Variants in MKLN1 observed in about 807,000 individuals in gnomAD.
MKLN1 encodes the protein muskelin 1.
A neutral mutation model predicts 99.0 loss-of-function variants in MKLN1; 18 were observed. The observed-to-expected ratio is 0.18, with a 90% CI of 0.13 to 0.27. The LOEUF is 0.27. Ranked by LOEUF, MKLN1 falls within the 10% of genes least tolerant of loss-of-function variation. MKLN1 has a pLI of 1.00. For synonymous variants in MKLN1, 288 were observed against 293.2 expected (o/e 0.98, Z 0.18); for missense variants, 621 against 875.9 (o/e 0.71, Z 3.67).
At chr7:131,190,135 A>G (rs1390536547) in intron 2 of MKLN1, among the ~76,000 whole-genome samples, 1 of 152,114 alleles carries the variant, frequency 6.6e-6, no homozygotes, top group Non-Finnish European at 1.5e-5. Context: ...AGGATTTCTT[A>G]AAAAACGAAA....
intron 8 of MKLN1, among the ~76,000 whole-genome samples, chr7:131,415,401 G>C (rs958398268): frequency 5.9e-5 from 9 of 151,930 alleles, no homozygotes; most frequent in Middle Eastern, 3.4e-3. Context: ...ATAGTGCTTC[G>C]GGAATAAAAT....
chr7:131,453,400 T>C (rs1439384504), intron 12 of MKLN1, among the ~76,000 whole-genome samples: 1 of 152,112 alleles, frequency 6.6e-6, no homozygotes, highest in Non-Finnish European at 1.5e-5. Context: ...AGTTGGCATT[T>C]CCAGTCAGAG....
chr7:131,409,500 T>G (rs1794807766), intron 6 of MKLN1, among the ~76,000 whole-genome samples: 1 of 152,126 alleles, frequency 6.6e-6, no homozygotes, highest in African/African-American at 2.4e-5. Flanking sequence ...AGAAAGGAAA[T>G]TTGGTGAGCG....
chr7:131,327,875 T>C (rs752672947), upstream of MKLN1: 30 of 1,607,544 alleles, frequency 1.9e-5, no homozygotes, highest in South Asian at 2.5e-4. Flanking sequence ...CAGCGGTCGG[T>C]GGCGGCCGCT....
rs559488674 is a variant in MKLN1 at position 131,495,213 on chromosome 7, T to G, written c.*7485T>G. 6.6e-6 allele frequency: 1 copy of G among 152,204 alleles called. No individual in the cohort carries two copies. The highest frequency in any genetic ancestry group is 6.5e-5 in the Admixed American group (1 of 15,274). 9.4% of individuals were successfully genotyped at this position (152,204 alleles called of 1,614,324 possible). On this transcript the variant is annotated 3_prime_UTR_variant, in exon 18 of 18. Coordinates refer to ENST00000352689, the MANE Select transcript of MKLN1 (RefSeq NM_013255.5). ...AAATTAAGATCCCCTCTGATAGAGA[T>G]AGATTCTCAAAACCAAAATTGGACT...
chr7:131,168,457 T>C (rs1796167516), intron 2 of MKLN1, among the ~76,000 whole-genome samples: 1 of 152,198 alleles, frequency 6.6e-6, no homozygotes, highest in Admixed American at 6.5e-5. Context: ...TATGCATGGA[T>C]TGAGGCTAAG....
At chr7:131,231,347 C>T (rs928542280) in intron 3 of MKLN1, among the ~76,000 whole-genome samples, 8 of 152,186 alleles carry the variant, frequency 5.3e-5, no homozygotes, top group African/African-American at 1.7e-4. Context: ...CCCCAATTCT[C>T]GTTTCTTCCC....
chr7:131,394,474 A>C (rs754780559), intron 4 of MKLN1, among the ~76,000 whole-genome samples: 1 of 152,004 alleles, frequency 6.6e-6, no homozygotes, highest in Non-Finnish European at 1.5e-5. Context: ...TTTGCAGTTC[A>C]TGATAGAGTT....
intron 3 of MKLN1, among the ~76,000 whole-genome samples, chr7:131,307,649 G>A (rs1290277019): frequency 6.6e-6 from 1 of 152,206 alleles, no homozygotes; most frequent in African/African-American, 2.4e-5. Context: ...TTTCAGACTG[G>A]CAGTGGGGCC....
Position 131,163,632 on chromosome 7 carries a change from G to A in MKLN1, c.-297+20691G>A, listed in dbSNP as rs546076827. Among the ~76,000 whole-genome samples the A allele has an allele frequency of 7.9e-5, 12 of 152,248 alleles. No individual in the cohort carries two copies. In the South Asian group the frequency reaches 2.3e-3, roughly 29 times the overall value. ...CTCTTCTAAGTTTCAGTGGAGAGGA[G>A]AGACAAAACTGTCAAGGAGAGAAAC... On this transcript the variant is annotated intron_variant, in intron 2 of 7. Coordinates refer to the MKLN1 transcript ENST00000416992.
chr7:131,388,768 G>A, intron 3 of MKLN1, 116 bp from the exon 4 acceptor site: 1 of 635,292 alleles, frequency 1.6e-6, no homozygotes, highest in African/African-American at 1.8e-5. Flanking sequence ...TATTGTCTTG[G>A]TCATAATATT....
At position 131,129,253 on chromosome 7, in the gene MKLN1, C is replaced by T. The variant is rs62472608; in HGVS notation, c.-418-13567C>T. On this transcript the variant is annotated intron_variant, in intron 1 of 7. Coordinates refer to the MKLN1 transcript ENST00000416992. ...GTCAGGGAAATAAGCACTCTCATAC[C>T]ACATTGGGAATATAAATTGGTATAA... Among the ~76,000 whole-genome samples, 292 of 152,156 alleles carry T rather than the reference C, an allele frequency of 1.9e-3. 2 individuals are homozygous for T. Among genetic ancestry groups the T allele is most frequent in the Non-Finnish European group, 3.2e-3 (217 of 67,992 alleles).
chr7:131,446,455 A>G (rs1030074201), intron 12 of MKLN1, among the ~76,000 whole-genome samples: 2 of 152,238 alleles, frequency 1.3e-5, no homozygotes, highest in African/African-American at 2.4e-5. Context: ...GTTACCCTAC[A>G]TAGTAGTTGC....
chr7:131,131,328 G>C (rs1795548854), intron 1 of MKLN1, among the ~76,000 whole-genome samples: 1 of 152,048 alleles, frequency 6.6e-6, no homozygotes, highest in African/African-American at 2.4e-5. Flanking sequence ...AGTGAGCTAT[G>C]ATCATGCAAC....
At chr7:131,340,645 A>T (rs1162145905) in intron 1 of MKLN1, among the ~76,000 whole-genome samples, 2 of 151,788 alleles carry the variant, frequency 1.3e-5, no homozygotes, top group Non-Finnish European at 2.9e-5. Context: ...TAGACCAAAA[A>T]CTCCATAGAA....
intron 1 of MKLN1, among the ~76,000 whole-genome samples, chr7:131,365,207 G>A (rs10256920): frequency 0.02 from 3,014 of 152,098 alleles, 82 homozygotes; most frequent in African/African-American, 0.066. Flanking sequence ...TCTAATGATC[G>A]GTGATACTGA....
intron 2 of MKLN1, among the ~76,000 whole-genome samples, chr7:131,178,299 T>G (rs56156662): frequency 1.7e-4 from 22 of 130,140 alleles, no homozygotes; most frequent in South Asian, 5.2e-4. Context: ...TTTTTTTTTT[T>G]TTTTTTTTTG....
At chr7:131,243,596 C>G (rs991855012) in intron 3 of MKLN1, among the ~76,000 whole-genome samples, 1 of 152,166 alleles carries the variant, frequency 6.6e-6, no homozygotes, top group African/African-American at 2.4e-5. Flanking sequence ...TTAAATACAG[C>G]AAATCTGCTG....
chr7:131,486,214 A>G (rs1797270647), intron 17 of MKLN1, among the ~76,000 whole-genome samples: 1 of 151,028 alleles, frequency 6.6e-6, no homozygotes, highest in Non-Finnish European at 1.5e-5. Context: ...TGGGTTTGAA[A>G]TTTTTCAAAA....
Sources: allele counts gnomAD v4.1 joint callset (sites outside exome capture counted in the v4.1 genomes callset), GRCh38; gene constraint gnomAD v4.1.1; transcripts MANE v1.5; gene names NCBI Gene and HGNC (gene_info 2026-07-23, HGNC 2026-07-21).